Variants in CX3CL1 observed in about 807,000 individuals in gnomAD.
CX3CL1 encodes fractalkine.
Under a neutral mutation model 14.1 loss-of-function variants are expected in CX3CL1, and 1 was observed. The observed-to-expected ratio is 0.07, with a 90% confidence interval of 0.03 to 0.34. The LOEUF is 0.34. Ranked by LOEUF, CX3CL1 falls within the 10% of genes least tolerant of loss-of-function variation. The pLI, the probability that CX3CL1 is intolerant of heterozygous loss-of-function variation, is 0.99. For synonymous variants in CX3CL1, 255 were observed against 229.6 expected (o/e 1.11, Z -1.00); for missense variants, 505 against 536.4 (o/e 0.94, Z 0.58).
At chr16:57,380,769 C>A (rs1313026131) in intron 2 of CX3CL1, among the ~76,000 whole-genome samples, 3 of 152,124 alleles carry the variant, frequency 2.0e-5, no homozygotes, top group Non-Finnish European at 2.9e-5. Context: ...TCCTGTCTAA[C>A]CAGCCAGCCC....
At position 57,382,634 on chromosome 16, in the gene CX3CL1, G is replaced by A. The variant is rs149398209; in HGVS notation, c.796G>A (p.Gly266Ser). The change falls in exon 3 of 3, where the codon GGT (glycine) becomes AGT (serine). Residue 266 changes from glycine to serine, a missense_variant. By Grantham distance (56) the Gly-to-Ser change is moderately conservative. Transcript: ENST00000006053. This position sits in a 1 kb window ranked among gnomAD's most constrained non-coding sequence, Gnocchi z 6.9. ...PENSLEREEM[G>S]PVPAHTDAFQ... ...GAACTCTCTGGAGCGGGAGGAGATG[G>A]GTCCCGTGCCAGCGCACACGGATGC... 3.0e-5 allele frequency: 48 copies of A among 1,613,760 alleles called. No individual in the cohort carries two copies. In the African/African-American group the frequency reaches 5.9e-4, roughly 20 times the overall value.
At chr16:57,375,278 A>G (rs1327757063) in intron 1 of CX3CL1, among the ~76,000 whole-genome samples, 3 of 152,112 alleles carry the variant, frequency 2.0e-5, no homozygotes, top group Non-Finnish European at 4.4e-5. Context: ...TGAGGGCGGG[A>G]GCCATGTGGA....
rs567104444 is a variant in CX3CL1, at chr16:57,384,385, A to C, written c.*1353A>C. 18 of 152,418 alleles carry C rather than the reference A, an allele frequency of 1.2e-4. No individual in the cohort carries two copies. The highest frequency in any genetic ancestry group is 3.3e-4 in the Admixed American group (5 of 15,304). 9.4% of individuals were successfully genotyped at this position (152,418 alleles called of 1,614,324 possible). A position where few individuals can be genotyped will look rare whatever the true frequency, so the allele number is the denominator to read the frequency against. Reference sequence around the variant, plus strand: ...CGGGAAGGGGGCTGGGACATGGGAAAGGGGAAGTTGTAGGCATAAAGTCAG... The same window carrying C: ...CGGGAAGGGGGCTGGGACATGGGAACGGGGAAGTTGTAGGCATAAAGTCAG... On this transcript the variant is annotated 3_prime_UTR_variant, in exon 3 of 3. Coordinates refer to ENST00000006053, the MANE Select transcript of CX3CL1 (RefSeq NM_002996.6).
chr16:57,379,648 G>A lies in CX3CL1; in HGVS notation c.85G>A (p.Val29Met). 6.2e-7 allele frequency: 1 copy of A among 1,614,236 alleles called. No individual in the cohort carries two copies. The highest frequency in any genetic ancestry group is 8.5e-7 in the Non-Finnish European group (1 of 1,180,038). Residue 29 changes from valine (V) to methionine (M), a missense_variant, in exon 2 of 3, where the codon GTG becomes ATG. Transcript: ENST00000006053. ...TTTGAACTCAGGACAGCACCACGGT[G>A]TGACGAAATGCAACATCACGTGCAG... ...TVLLAGQHHG[V>M]TKCNITCSKM...
rs1902384868 is a variant in CX3CL1 at position 57,384,502 on chromosome 16, A to C, written c.*1470A>C. ...CCCTCAGGGTCCCTGGTGGCAGCTC[A>C]CCTCTCCCTTGGATTGTCCCCGACC... On this transcript the variant is annotated 3_prime_UTR_variant, in exon 3 of 3. Coordinates refer to ENST00000006053, the MANE Select transcript of CX3CL1 (RefSeq NM_002996.6). The C allele has an allele frequency of 6.6e-6, 1 of 152,048 alleles. No individual in the cohort carries two copies. The highest frequency in any genetic ancestry group is 2.4e-5 in the African/African-American group (1 of 41,314). The allele number at this position is 152,048 out of a possible 1,614,324, so 9.4% of individuals were successfully genotyped here.
In CX3CL1 at chr16:57,382,654, G is replaced by A. The variant is rs1394160800; in HGVS notation, c.816G>A (p.Thr272=). ...REEMGPVPAH[T]DAFQDWGPGS... Reference sequence around the variant, plus strand: ...AGATGGGTCCCGTGCCAGCGCACACGGATGCCTTCCAGGACTGGGGGCCTG... The same window carrying A: ...AGATGGGTCCCGTGCCAGCGCACACAGATGCCTTCCAGGACTGGGGGCCTG... Residue 272 remains threonine, a synonymous_variant, in exon 3 of 3, where the codon ACG becomes ACA. Coordinates refer to ENST00000006053, the MANE Select transcript of CX3CL1 (RefSeq NM_002996.6). The surrounding 1 kb of genome is among the most constrained non-coding windows in gnomAD (Gnocchi z 6.9). The A allele has an allele frequency of 8.1e-6, 13 of 1,613,234 alleles. No homozygotes were observed. The East Asian group carries it at 8.9e-5, about 11-fold the overall frequency.
intron 1 of CX3CL1, among the ~76,000 whole-genome samples, chr16:57,375,310 C>T (rs1407048008): frequency 2.0e-5 from 3 of 152,206 alleles, no homozygotes; most frequent in Middle Eastern, 3.4e-3. Context: ...CAATGGTCCT[C>T]AGTGAGTAAT....
chr16:57,382,906 G>T lies in CX3CL1; in HGVS notation c.1068G>T (p.Gly356=). 6.4e-7 allele frequency: 1 copy of T among 1,552,906 alleles called. No homozygotes were observed. The highest frequency in any genetic ancestry group is 8.7e-7 in the Non-Finnish European group (1 of 1,147,294). The part of the protein sequence containing the change: ...LAFLGLLFCL[G]VAMFTYQSLQ... ...TCCTTGGCCTCCTCTTCTGCCTGGGGGTGGCCATGTTCACCTACCAGAGCC... is the reference window on the plus strand; with the variant it reads ...TCCTTGGCCTCCTCTTCTGCCTGGGTGTGGCCATGTTCACCTACCAGAGCC... The change falls in exon 3 of 3, where the codon GGG becomes GGT. Residue 356 remains glycine (G), a synonymous_variant. Transcript: ENST00000006053. The surrounding 1 kb of genome is among the most constrained non-coding windows in gnomAD (Gnocchi z 6.9).
In CX3CL1 at chr16:57,382,152, A is replaced by G; in HGVS notation, c.314A>G (p.Lys105Arg). Residue 105 changes from lysine (K) to arginine (R), a missense_variant, in exon 3 of 3, where the codon AAG becomes AGG. Transcript: ENST00000006053. The surrounding 1 kb of genome is among the most constrained non-coding windows in gnomAD (Gnocchi z 6.9). ...ACTCGAAATGGCGGCACCTTCGAGA[A>G]GCAGATCGGCGAGGTGAAGCCCAGG... ...ALTRNGGTFE[K>R]QIGEVKPRTT... 1 of 1,613,946 alleles carries G rather than the reference A, an allele frequency of 6.2e-7. No homozygotes were observed. Among genetic ancestry groups the G allele is most frequent in the Non-Finnish European group, 8.5e-7 (1 of 1,179,980 alleles).
At chr16:57,379,557 C>T (rs1485003478) in intron 1 of CX3CL1, 77 bp from the exon 2 acceptor site, 4 of 1,590,746 alleles carry the variant, frequency 2.5e-6, no homozygotes, top group Admixed American at 1.7e-5. Flanking sequence ...GTGGTGTGGC[C>T]GGGACAATCT....
At chr16:57,373,656 C>T (rs879597051) in intron 1 of CX3CL1, among the ~76,000 whole-genome samples, 1 of 152,164 alleles carries the variant, frequency 6.6e-6, no homozygotes, top group Non-Finnish European at 1.5e-5. Context: ...TGGGTGGGCA[C>T]GTGAGAGTGG....
intron 1 of CX3CL1, 78 bp from the exon 2 acceptor site, chr16:57,379,556 C>A: frequency 6.3e-7 from 1 of 1,588,312 alleles, no homozygotes; most frequent in Non-Finnish European, 8.6e-7. Flanking sequence ...GGTGGTGTGG[C>A]CGGGACAATC....
rs2229164 is a variant in CX3CL1, at chr16:57,382,093, G to A, written c.255G>A (p.Ala85=). The part of the protein sequence containing the change: ...ADPKEQWVKD[A]MQHLDRQAAA... ...CGAAGGAGCAATGGGTCAAGGACGC[G>A]ATGCAGCATCTGGACCGCCAGGCTG... is the stretch of plus-strand genomic sequence containing the variant. The change falls in exon 3 of 3, where the codon GCG becomes GCA. Residue 85 remains alanine (A), a synonymous_variant. Transcript: ENST00000006053. The surrounding 1 kb of genome is among the most constrained non-coding windows in gnomAD (Gnocchi z 6.9). 2.0e-3 allele frequency: 3,276 copies of A among 1,613,736 alleles called. 63 individuals carry two copies. In the African/African-American group the frequency reaches 0.039, roughly 19 times the overall value.
chr16:57,377,954 T>C (rs1434019877), intron 1 of CX3CL1: 1 of 152,218 alleles, frequency 6.6e-6, no homozygotes, highest in Non-Finnish European at 1.5e-5. Flanking sequence ...CAAATGTTTA[T>C]ATCAAATAGT....
chr16:57,379,839 C>T lies in CX3CL1; in HGVS notation c.191+85C>T, dbSNP rs140123806. ...CTCTGAGAATCTACGTCCACACCTC[C>T]GCTCCCAGACCTGGGCTCCCAGCCA... is the stretch of plus-strand genomic sequence containing the variant. On this transcript the variant is annotated intron_variant, in intron 2 of 2. Transcript: ENST00000006053. The T allele has an allele frequency of 7.2e-5, 109 of 1,513,460 alleles. No individual in the cohort carries two copies. In the African/African-American group the frequency reaches 1.1e-3, roughly 16 times the overall value. 93.8% of individuals were successfully genotyped at this position (1,513,460 alleles called of 1,614,324 possible).
At chr16:57,373,807 G>A (rs1261954357) in intron 1 of CX3CL1, among the ~76,000 whole-genome samples, 5 of 152,160 alleles carry the variant, frequency 3.3e-5, no homozygotes, top group Non-Finnish European at 7.4e-5. Context: ...CGTGAGCAGG[G>A]TCTTGCCTCC....
rs745968830 is a variant in CX3CL1 at position 57,382,778 on chromosome 16, C to A, written c.940C>A (p.Pro314Thr). The A allele has an allele frequency of 1.9e-6, 3 of 1,608,974 alleles. No individual in the cohort carries two copies. Among genetic ancestry groups the A allele is most frequent in the South Asian group, 2.2e-5 (2 of 90,930 alleles). Reference protein sequence around the residue: ...SGSWTPKAEEPIHATMDPQRL... With the variant: ...SGSWTPKAEETIHATMDPQRL... ...CAGCTGGACCCCTAAGGCTGAGGAA[C>A]CCATCCATGCCACCATGGACCCCCA... Residue 314 changes from proline (P) to threonine (T), a missense_variant, in exon 3 of 3, where the codon CCC (proline) becomes ACC (threonine). Physicochemically the swap from Pro to Thr is conservative, Grantham distance 38. Coordinates refer to ENST00000006053, the MANE Select transcript of CX3CL1 (RefSeq NM_002996.6). This position sits in a 1 kb window ranked among gnomAD's most constrained non-coding sequence, Gnocchi z 6.9.
At chr16:57,379,560 G>A (rs1902290590) in intron 1 of CX3CL1, 74 bp from the exon 2 acceptor site, 1 of 1,599,076 alleles carries the variant, frequency 6.3e-7, no homozygotes, top group South Asian at 1.1e-5. Flanking sequence ...GTGTGGCCGG[G>A]ACAATCTGGC....
chr16:57,382,374 G>A lies in CX3CL1; in HGVS notation c.536G>A (p.Gly179Glu), dbSNP rs1213947322. Residue 179 changes from glycine to glutamate, a missense_variant, in exon 3 of 3, where the codon GGG becomes GAG. Coordinates refer to ENST00000006053, the MANE Select transcript of CX3CL1 (RefSeq NM_002996.6). The surrounding 1 kb of genome is among the most constrained non-coding windows in gnomAD (Gnocchi z 6.9). ...CCGACGCCAAAGGCTCAGGATGGAG[G>A]GCCTGTGGGCACGGAGCTTTTCCGA... is the stretch of plus-strand genomic sequence containing the variant. ...LPPTPKAQDGGPVGTELFRVP... is the reference protein window; with the variant it reads ...LPPTPKAQDGEPVGTELFRVP... The A allele has an allele frequency of 1.2e-6, 2 of 1,611,450 alleles. No individual in the cohort carries two copies. The highest frequency in any genetic ancestry group is 3.3e-5 in the Admixed American group (2 of 60,006).
Sources: gnomAD v4.1 joint callset for allele counts (sites outside exome capture counted in the v4.1 genomes callset) on GRCh38, gnomAD v4.1.1 for gene constraint, Gnocchi (gnomAD v3.1) non-coding constraint, MANE v1.5 for transcripts, NCBI Gene and HGNC (gene_info 2026-07-23, HGNC 2026-07-21) for gene names.